The following RAB41 variants were observed in gnomAD, a reference collection of about 807,000 sequenced individuals.
RAB41 encodes the protein ras-related protein Rab-41.
Under a neutral mutation model 19.0 loss-of-function variants are expected in RAB41, and 15 were observed. The ratio of observed to expected loss-of-function variants is 0.79; its 90% CI spans 0.53 to 1.21. RAB41 has a LOEUF of 1.21. Ranked by LOEUF, RAB41 falls within the 50% of genes most tolerant of loss-of-function variation. The pLI, the probability that RAB41 is intolerant of heterozygous loss-of-function variation, is 0.00. For synonymous variants in RAB41, 73 were observed against 64.7 expected, an observed-to-expected ratio of 1.13 and a Z score of -0.62; for missense variants, 177 against 179.7, an observed-to-expected ratio of 0.99 and a Z score of 0.09.
At chrX:70,284,191 T>C (rs1311695259) in intron 6 of RAB41, 75 bp from the exon 7 acceptor site, 2 of 1,113,306 alleles carry the variant, frequency 1.8e-6, no homozygotes, top group African/African-American at 1.9e-5. Context: ...GGCCCTGAAT[T>C]ATCCTAGCCT....
Position 70,284,122 on chromosome X carries a change from C to T in RAB41, c.549+79C>T, listed in dbSNP as rs2085704516. The T allele has an allele frequency of 4.1e-6, 4 of 964,924 alleles. No homozygotes were observed. The South Asian group carries it at 6.3e-5, about 15-fold the overall frequency. The allele number at this position is 964,924 out of a possible 1,213,427, so 79.5% of individuals were successfully genotyped here. ...ACTACTGTTTACTCTTTTGGATAAG[C>T]TTGGCTTATCTTTTGTGGGATAGGG... is the stretch of plus-strand genomic sequence containing the variant. On this transcript the variant is annotated intron_variant, in intron 6 of 7. Coordinates refer to ENST00000374473, the MANE Select transcript of RAB41 (RefSeq NM_001363807.1).
chrX:70,282,992 C>T (rs1206969066), intron 3 of RAB41, 137 bp downstream of exon 3: 3 of 544,776 alleles, frequency 5.5e-6, no homozygotes, highest in Non-Finnish European at 6.2e-6. Context: ...TTCTGTCTGC[C>T]TTCATCTAAT....
intron 5 of RAB41, among the ~76,000 whole-genome samples, 162 bp from the exon 6 acceptor site, chrX:70,283,788 G>A (rs1311178653): frequency 1.8e-5 from 2 of 111,243 alleles, no homozygotes; most frequent in Non-Finnish European, 3.8e-5. Context: ...AGGGCACAAG[G>A]ATATGTTGGG....
In RAB41 at chrX:70,283,598, TA is replaced by T. The variant is rs761702079; in HGVS notation, c.431del (p.Asn144ThrfsTer25). ...GDDVVIMLLG[N>X]KIDLDNKRQV... ...ACGATGTTGTCATCATGTTGTTGGGTAACAAGATTGATTTGGATAACAAAAG... is the reference window on the plus strand; with the variant it reads ...ACGATGTTGTCATCATGTTGTTGGGTACAAGATTGATTTGGATAACAAAAG... On this transcript the variant is annotated frameshift_variant, in exon 5 of 8. Coordinates refer to ENST00000374473, the MANE Select transcript of RAB41 (RefSeq NM_001363807.1). LOFTEE classifies it high-confidence loss of function. 5.0e-6 allele frequency: 6 copies of T among 1,200,054 alleles called. No individual in the cohort carries two copies. In the South Asian group the frequency reaches 1.1e-4, roughly 21 times the overall value.
rs1404416454 is a variant in RAB41, at chrX:70,283,356, T to C, written c.326T>C (p.Val109Ala). Reference sequence around the variant, plus strand: ...ATTCGTGATTCAACTATTGCAGTGGTTGTCTATGACATTACAAGTGGGTGT... The same window carrying C: ...ATTCGTGATTCAACTATTGCAGTGGCTGTCTATGACATTACAAGTGGGTGT... ...SYIRDSTIAV[V>A]VYDITNINSF... The change falls in exon 4 of 8, where the codon GTT (valine) becomes GCT (alanine). Residue 109 changes from valine (V) to alanine (A), a missense_variant. Physicochemically the swap from Val to Ala is moderately conservative, Grantham distance 64. Transcript: ENST00000374473. The C allele has an allele frequency of 1.7e-5, 20 of 1,202,040 alleles. No individual in the cohort carries two copies. The highest frequency in any genetic ancestry group is 1.9e-5 in the Non-Finnish European group (17 of 887,627).
At position 70,282,857 on chromosome X, in the gene RAB41, T is replaced by A. The variant is rs761264692; in HGVS notation, c.237+2T>A. 8.4e-7 allele frequency: 1 copy of A among 1,195,586 alleles called. No homozygotes were observed. The highest frequency in any genetic ancestry group is 1.8e-5 in the African/African-American group (1 of 56,978). ...ACCATGTACTTGGAGGACCAAATAG[T>A]GAGTGTTAACTCTCATACCACTAAC... is the stretch of plus-strand genomic sequence containing the variant. On this transcript the variant is annotated splice_donor_variant, in intron 3 of 7. Transcript: ENST00000374473. LOFTEE classifies it high-confidence loss of function.
chrX:70,284,243 T>C, intron 6 of RAB41, 23 bp from the exon 7 acceptor site: 2 of 1,185,367 alleles, frequency 1.7e-6, no homozygotes, highest in South Asian at 1.9e-5. Context: ...TTTTTTTTGG[T>C]CCCCATTCAC....
Position 70,283,381 on chromosome X carries a change from T to C in RAB41, c.343+8T>C, listed in dbSNP as rs1284451207. On this transcript the variant is annotated splice_region_variant and intron_variant, in intron 4 of 7. Coordinates refer to ENST00000374473, the MANE Select transcript of RAB41 (RefSeq NM_001363807.1). Reference sequence around the variant, plus strand: ...TTGTCTATGACATTACAAGTGGGTGTTATGCAATGTTTTATTTGAAAAGGG... The same window carrying C: ...TTGTCTATGACATTACAAGTGGGTGCTATGCAATGTTTTATTTGAAAAGGG... 8.6e-7 allele frequency: 1 copy of C among 1,163,518 alleles called. No individual in the cohort carries two copies. Among genetic ancestry groups the C allele is most frequent in the African/African-American group, 1.8e-5 (1 of 56,308 alleles).
chrX:70,283,086 T>A (rs1346472737), intron 3 of RAB41, among the ~76,000 whole-genome samples, 182 bp from the exon 4 acceptor site: 1 of 112,786 alleles, frequency 8.9e-6, no homozygotes, highest in Non-Finnish European at 1.9e-5. Flanking sequence ...AAACAGTATA[T>A]TGAAATTGGT....
intron 5 of RAB41, 72 bp downstream of exon 5, chrX:70,283,696 A>G (rs1386806172): frequency 2.6e-6 from 2 of 764,781 alleles, no homozygotes; most frequent in East Asian, 3.3e-5. Flanking sequence ...ACTGTCCTCT[A>G]TTTACTTGGG....
At position 70,282,442 on chromosome X, in the gene RAB41, T is replaced by C. The variant is rs143189037; in HGVS notation, c.125-91T>C. 418 of 1,160,467 alleles carry C rather than the reference T, an allele frequency of 3.6e-4. 3 individuals are homozygous for C. In the African/African-American group the frequency reaches 6.4e-3, roughly 18 times the overall value. On this transcript the variant is annotated intron_variant, in intron 1 of 7. Coordinates refer to ENST00000374473, the MANE Select transcript of RAB41 (RefSeq NM_001363807.1). ...CCGAGTTCCTCCTCGTTGGGAAAGA[T>C]TGGAGTTGGAGGAGGAGGGAGGGCT...
intron 1 of RAB41, 75 bp downstream of exon 1, chrX:70,282,416 A>G (rs2085692417): frequency 6.0e-6 from 7 of 1,173,359 alleles, no homozygotes; most frequent in Non-Finnish European, 8.1e-6. Flanking sequence ...TCTCTGGGGA[A>G]CCGAGTTCCT....
chrX:70,283,261 TA>T lies in RAB41; in HGVS notation c.238-6del, dbSNP rs768275246. The T allele has an allele frequency of 8.3e-7, 1 of 1,199,812 alleles. No homozygotes were observed. The highest frequency in any genetic ancestry group is 3.0e-5 in the East Asian group (1 of 33,800). Reference sequence around the variant, plus strand: ...CCCCCATCTTCTTCCTAAACATTTTTATGCAGGTTCAGCTGCAGCTATGGGA... The same window carrying T: ...CCCCCATCTTCTTCCTAAACATTTTTTGCAGGTTCAGCTGCAGCTATGGGA... On this transcript the variant is annotated splice_polypyrimidine_tract_variant and splice_region_variant and intron_variant, in intron 3 of 7. Transcript: ENST00000374473.
Position 70,284,185 on chromosome X carries a change from C to G in RAB41, c.550-81C>G, listed in dbSNP as rs1227982390. The G allele has an allele frequency of 2.7e-6, 3 of 1,100,048 alleles. No homozygotes were observed. The African/African-American group carries it at 5.6e-5, about 21-fold the overall frequency. 90.7% of individuals were successfully genotyped at this position (1,100,048 alleles called of 1,213,427 possible). Reference sequence around the variant, plus strand: ...CTCCCCATCATGTATCTCAAAGGCCCTGAATTATCCTAGCCTCTGAACCTG... The same window carrying G: ...CTCCCCATCATGTATCTCAAAGGCCGTGAATTATCCTAGCCTCTGAACCTG... On this transcript the variant is annotated intron_variant, in intron 6 of 7. Coordinates refer to ENST00000374473, the MANE Select transcript of RAB41 (RefSeq NM_001363807.1).
chrX:70,283,487 A>G (rs1267068813), intron 4 of RAB41, 26 bp from the exon 5 acceptor site: 60 of 1,144,463 alleles, frequency 5.2e-5, no homozygotes, highest in Non-Finnish European at 7.0e-5. Flanking sequence ...AAATGTTTCA[A>G]CGCTCTGGAA....
chrX:70,283,330 C>T lies in RAB41; in HGVS notation c.300C>T (p.Tyr100=). The change falls in exon 4 of 8, where the codon TAC becomes TAT. Residue 100 remains tyrosine, a synonymous_variant. Transcript: ENST00000374473. ...QERFHSLIPS[Y]IRDSTIAVVV... ...GCTTTCACAGCCTAATTCCTAGCTA[C>T]ATTCGTGATTCAACTATTGCAGTGG... 1 of 1,210,765 alleles carries T rather than the reference C, an allele frequency of 8.3e-7. No individual in the cohort carries two copies. Among genetic ancestry groups the T allele is most frequent in the South Asian group, 1.8e-5 (1 of 56,980 alleles).
Position 70,284,746 on chromosome X carries a change from TC to T in RAB41, c.*104del. 1 of 637,045 alleles carries T rather than the reference TC, an allele frequency of 1.6e-6. No individual in the cohort carries two copies. The highest frequency in any genetic ancestry group is 2.6e-6 in the Non-Finnish European group (1 of 386,795). The allele number at this position is 637,045 out of a possible 1,213,427, so 52.5% of individuals were successfully genotyped here. ...TTTTATGATACATGGCCACTTACTC[TC>T]TTCCAATTCCTAGGCTTGGGGTAAA... is the stretch of plus-strand genomic sequence containing the variant. On this transcript the variant is annotated 3_prime_UTR_variant, in exon 8 of 8. Transcript: ENST00000374473.
At position 70,283,324 on chromosome X, in the gene RAB41, T is replaced by G. The variant is rs763495227; in HGVS notation, c.294T>G (p.Pro98=). The change falls in exon 4 of 8, where the codon CCT becomes CCG. Residue 98 remains proline, a synonymous_variant. Coordinates refer to ENST00000374473, the MANE Select transcript of RAB41 (RefSeq NM_001363807.1). The part of the protein sequence containing the change: ...AGQERFHSLI[P]SYIRDSTIAV... ...AGGAGCGCTTTCACAGCCTAATTCC[T>G]AGCTACATTCGTGATTCAACTATTG... is the stretch of plus-strand genomic sequence containing the variant. 1 of 1,211,269 alleles carries G rather than the reference T, an allele frequency of 8.3e-7. No individual in the cohort carries two copies.
rs374264141 is a variant in RAB41 at position 70,282,358 on chromosome X, G to C, written c.124+17G>C. The C allele has an allele frequency of 1.7e-6, 2 of 1,207,525 alleles. No homozygotes were observed. The highest frequency in any genetic ancestry group is 3.5e-5 in the African/African-American group (2 of 56,967). On this transcript the variant is annotated intron_variant, in intron 1 of 7. Coordinates refer to ENST00000374473, the MANE Select transcript of RAB41 (RefSeq NM_001363807.1). ...AGCAGAGCGGTGTGGGTCTGGGTTGGGCTTTGGGGACATGGAGGTGTAATT... is the reference window on the plus strand; with the variant it reads ...AGCAGAGCGGTGTGGGTCTGGGTTGCGCTTTGGGGACATGGAGGTGTAATT...
Sources: gnomAD v4.1 joint callset for allele counts (sites outside exome capture counted in the v4.1 genomes callset) on GRCh38, gnomAD v4.1.1 for gene constraint, MANE v1.5 for transcripts, NCBI Gene and HGNC (gene_info 2026-07-23, HGNC 2026-07-21) for gene names.